Variants in CD226 observed in about 807,000 individuals in gnomAD.
CD226 encodes the protein CD226 molecule, also known as CD226 antigen.
A neutral mutation model predicts 34.9 loss-of-function variants in CD226; 24 were observed. The observed-to-expected ratio is 0.69, with a 90% confidence interval of 0.50 to 0.97. The LOEUF is 0.97. Among genes scored for constraint, CD226 ranks in the 50% least tolerant of loss-of-function variants. CD226 has a pLI of 0.00. For synonymous variants in CD226, 148 were observed against 147.4 expected, an observed-to-expected ratio of 1.00 and a Z score of -0.03; for missense variants, 397 against 412.7, an observed-to-expected ratio of 0.96 and a Z score of 0.33.
At chr18:69,907,561 C>T (rs2055271342) in intron 2 of CD226, among the ~76,000 whole-genome samples, 1 of 152,180 alleles carries the variant, frequency 6.6e-6, no homozygotes, top group Non-Finnish European at 1.5e-5. Context: ...CCGCCCACCT[C>T]GGCCTCCCAA....
In CD226 at chr18:69,860,233, G is replaced by T. The variant is rs551094333; in HGVS notation, c.*4081C>A. The T allele has an allele frequency of 6.6e-6, 1 of 152,080 alleles. No homozygotes were observed. The highest frequency in any genetic ancestry group is 2.4e-5 in the African/African-American group (1 of 41,412). 9.4% of individuals were successfully genotyped at this position (152,080 alleles called of 1,614,324 possible). On this transcript the variant is annotated 3_prime_UTR_variant, in exon 6 of 6. Transcript: ENST00000582621. Reference sequence around the variant, plus strand: ...TCCATGGCAAATGAAAGTAGTGATCGTGAAACATTGTGTTTTATTCATTCA... The same window carrying T: ...TCCATGGCAAATGAAAGTAGTGATCTTGAAACATTGTGTTTTATTCATTCA...
chr18:69,939,211 A>C (rs183215171), intron 2 of CD226, among the ~76,000 whole-genome samples: 19 of 152,256 alleles, frequency 1.2e-4, no homozygotes, highest in Admixed American at 5.2e-4. Context: ...AGACCCTTTC[A>C]GCCCTTCCTG....
chr18:69,956,089 T>C (rs1599039878), intron 1 of CD226, among the ~76,000 whole-genome samples: 1 of 152,236 alleles, frequency 6.6e-6, no homozygotes, highest in East Asian at 1.9e-4. Context: ...AGACTCCAGT[T>C]GGGGTTCAGC....
intron 3 of CD226, among the ~76,000 whole-genome samples, chr18:69,878,429 C>T (rs550873077): frequency 1.9e-4 from 29 of 152,216 alleles, no homozygotes; most frequent in Admixed American, 3.9e-4. Context: ...GAGTTATACA[C>T]TCTTAGAAAA....
intron 2 of CD226, among the ~76,000 whole-genome samples, chr18:69,945,129 T>A (rs1219668686): frequency 6.6e-6 from 1 of 152,200 alleles, no homozygotes; most frequent in East Asian, 1.9e-4. Flanking sequence ...AAACACACAG[T>A]TCCAAAAATA....
upstream of CD226, among the ~76,000 whole-genome samples, chr18:69,960,239 TAA>T (rs552196121): frequency 1.6e-3 from 207 of 126,578 alleles, 1 homozygote; most frequent in African/African-American, 5.6e-3. Flanking sequence ...GACTCCATCT[TAA>T]AAAAAAAAAA....
chr18:69,930,869 T>G (rs1376045287), intron 2 of CD226, among the ~76,000 whole-genome samples: 2 of 152,196 alleles, frequency 1.3e-5, no homozygotes, highest in African/African-American at 4.8e-5. Context: ...TCCCTTCATG[T>G]TAGACTTCAG....
upstream of CD226, among the ~76,000 whole-genome samples, chr18:69,957,400 G>A (rs574043240): frequency 5.3e-5 from 8 of 151,530 alleles, no homozygotes; most frequent in South Asian, 2.1e-4. Context: ...TACACAAGTC[G>A]GTGTTTCCTG....
chr18:69,864,235 G>A lies in CD226; in HGVS notation c.*79C>T, dbSNP rs1982988669. The A allele has an allele frequency of 1.5e-6, 2 of 1,350,178 alleles. No homozygotes were observed. Among genetic ancestry groups the A allele is most frequent in the South Asian group, 2.6e-5 (2 of 78,258 alleles). The allele number at this position is 1,350,178 out of a possible 1,614,324, so 83.6% of individuals were successfully genotyped here. On this transcript the variant is annotated 3_prime_UTR_variant, in exon 6 of 6. Coordinates refer to ENST00000582621, the MANE Select transcript of CD226 (RefSeq NM_001303618.2). ...AACTAGTATCTAAGGTAGACCTTGGGTAGTGGAAAAAAATTGCATAAAGAT... is the reference window on the plus strand; with the variant it reads ...AACTAGTATCTAAGGTAGACCTTGGATAGTGGAAAAAAATTGCATAAAGAT...
chr18:69,952,226 G>A (rs1053775028), upstream of CD226, among the ~76,000 whole-genome samples: 1 of 152,136 alleles, frequency 6.6e-6, no homozygotes, highest in Non-Finnish European at 1.5e-5. Context: ...AAAATAATGT[G>A]TACCCATGGA....
intron 2 of CD226, among the ~76,000 whole-genome samples, chr18:69,923,953 C>CAAA (rs558900004): frequency 1.3e-5 from 1 of 74,502 alleles, no homozygotes; most frequent in East Asian, 4.2e-4. Flanking sequence ...GACTCCGTCT[C>CAAA]AAAAAAAAAA....
intron 2 of CD226, among the ~76,000 whole-genome samples, chr18:69,916,229 G>T (rs2055384214): frequency 6.6e-6 from 1 of 152,100 alleles, no homozygotes; most frequent in Non-Finnish European, 1.5e-5. Flanking sequence ...AAACTTCAAT[G>T]TATATTTCAG....
intron 2 of CD226, among the ~76,000 whole-genome samples, chr18:69,909,772 C>T (rs1038462954): frequency 5.9e-5 from 9 of 152,114 alleles, no homozygotes; most frequent in Non-Finnish European, 8.8e-5. Flanking sequence ...GTTCTTTATA[C>T]GTCAGAGGAA....
At chr18:69,909,347 C>T (rs1043701535) in intron 2 of CD226, among the ~76,000 whole-genome samples, 1 of 152,138 alleles carries the variant, frequency 6.6e-6, no homozygotes, top group South Asian at 2.1e-4. Flanking sequence ...CCACTTCTGC[C>T]AAATGGAAAC....
Position 69,854,040 on chromosome 18 carries a change from A to G in CD226, c.*10274T>C, listed in dbSNP as rs1221856723. The G allele has an allele frequency of 6.6e-6, 1 of 152,224 alleles. No individual in the cohort carries two copies. The highest frequency in any genetic ancestry group is 2.4e-5 in the African/African-American group (1 of 41,452). 9.4% of individuals were successfully genotyped at this position (152,224 alleles called of 1,614,324 possible). ...GCAAAGAGACAGGTCAGAAACCACG[A>G]TAACAAAAAACATATGTGTTAAAAT... On this transcript the variant is annotated 3_prime_UTR_variant, in exon 6 of 6. Coordinates refer to ENST00000582621, the MANE Select transcript of CD226 (RefSeq NM_001303618.2).
intron 2 of CD226, among the ~76,000 whole-genome samples, chr18:69,901,134 A>G (rs1322713570): frequency 6.6e-6 from 1 of 152,074 alleles, no homozygotes; most frequent in Non-Finnish European, 1.5e-5. Context: ...GCCCACGGGA[A>G]TATGAAAAAC....
intron 2 of CD226, among the ~76,000 whole-genome samples, chr18:69,906,850 G>A (rs2055260297): frequency 6.6e-6 from 1 of 152,196 alleles, no homozygotes. Context: ...CTCGGACAGT[G>A]AGCAGATGCT....
intron 3 of CD226, among the ~76,000 whole-genome samples, chr18:69,883,907 A>C (rs1337454552): frequency 6.6e-6 from 1 of 152,252 alleles, no homozygotes; most frequent in African/African-American, 2.4e-5. Context: ...TACCCACGTC[A>C]CAGCTCAGGT....
chr18:69,914,290 C>A (rs1433856316), intron 2 of CD226, among the ~76,000 whole-genome samples: 1 of 152,206 alleles, frequency 6.6e-6, no homozygotes, highest in East Asian at 1.9e-4. Context: ...CACCTCATAT[C>A]AGTGCCATTG....
Sources: allele counts gnomAD v4.1 joint callset (sites outside exome capture counted in the v4.1 genomes callset), GRCh38; gene constraint gnomAD v4.1.1; transcripts MANE v1.5; gene names NCBI Gene and HGNC (gene_info 2026-07-23, HGNC 2026-07-21).